CNTNAP3B: variants seen among roughly 807,000 people sequenced by gnomAD.
CNTNAP3B encodes contactin-associated protein-like 3B.
CNTNAP3B carries 25 observed loss-of-function variants against 108.9 expected under a neutral mutation model. The ratio of observed to expected loss-of-function variants is 0.23; its 90% CI spans 0.17 to 0.32. The LOEUF (loss-of-function observed/expected upper bound fraction) is 0.32, where lower values mean the gene tolerates loss of function less well. Among genes scored for constraint, CNTNAP3B ranks in the 10% least tolerant of loss-of-function variants. The pLI, the probability that CNTNAP3B is intolerant of heterozygous loss-of-function variation, is 1.00. For missense variants in CNTNAP3B, 252 were observed against 1,210.4 expected, an observed-to-expected ratio of 0.21 and a Z score of 11.75; for synonymous variants, 103 against 473.4, an observed-to-expected ratio of 0.22 and a Z score of 10.16.
chr9:42,029,650 C>T (rs1260453655), intron 3 of CNTNAP3B, among the ~76,000 whole-genome samples: 1 of 123,876 alleles, frequency 8.1e-6, no homozygotes, highest in Admixed American at 8.1e-5. Context: ...CCTGCCTCAG[C>T]CTCCTGAGTA....
chr9:42,035,480 T>A (rs1826605119), intron 3 of CNTNAP3B, among the ~76,000 whole-genome samples: 1 of 146,100 alleles, frequency 6.8e-6, no homozygotes, highest in Admixed American at 6.8e-5. Context: ...GGGTTAATAA[T>A]AAAGACTCTG....
At position 42,096,087 on chromosome 9, in the gene CNTNAP3B, C is replaced by T. The variant is rs534462447; in HGVS notation, c.196+8542G>A. ...CTTGGATAACTGGGGCTGTCCTCAC[C>T]GGCCACCAGAGCTGCCGCAGGGCGT... On this transcript the variant is annotated intron_variant, in intron 2 of 23. Transcript: ENST00000377561. 4.2e-4 allele frequency among the ~76,000 whole-genome samples: 58 copies of T among 139,746 alleles called. 8 individuals are homozygous for T. The highest frequency in any genetic ancestry group is 3.4e-3 in the Admixed American group (48 of 14,122). The allele number at this position is 139,746 out of a possible 152,430, so 91.7% of individuals were successfully genotyped here. A position where few individuals can be genotyped will look rare whatever the true frequency, so the allele number is the denominator to read the frequency against.
chr9:42,035,924 A>G (rs1225190922), intron 3 of CNTNAP3B, among the ~76,000 whole-genome samples: 1 of 140,430 alleles, frequency 7.1e-6, no homozygotes, highest in Non-Finnish European at 1.5e-5. Flanking sequence ...CCTGGCCAAT[A>G]TGGTGAAACC....
intron 13 of CNTNAP3B, among the ~76,000 whole-genome samples, chr9:41,939,333 G>A (rs553292260): frequency 6.6e-6 from 1 of 152,426 alleles, no homozygotes; most frequent in East Asian, 1.9e-4. Context: ...TGATCATGTG[G>A]TGCTGTTTTT....
At chr9:41,930,250 CAACA>C (rs1292998800) in intron 14 of CNTNAP3B, among the ~76,000 whole-genome samples, 12 of 152,210 alleles carry the variant, frequency 7.9e-5, no homozygotes, top group African/African-American at 2.4e-4. Flanking sequence ...GTAGTTCAGG[CAACA>C]AACACAGGCC....
intron 12 of CNTNAP3B, among the ~76,000 whole-genome samples, chr9:41,958,207 A>C (rs1198111859): frequency 1.5e-3 from 232 of 151,940 alleles, no homozygotes; most frequent in African/African-American, 5.3e-3. Context: ...TCCCAGGCTC[A>C]AGCGATCCTC....
rs868352958 is a variant in CNTNAP3B at position 41,918,706 on chromosome 9, T to C, written c.2995+1364A>G. ...GAAAATTTTGGGTTATAAAATAACA[T>C]TCAAATTGCACTTAGCAAATGTGGA... On this transcript the variant is annotated intron_variant, in intron 18 of 23. Coordinates refer to ENST00000377561, the MANE Select transcript of CNTNAP3B (RefSeq NM_001201380.3). 9.1e-3 allele frequency among the ~76,000 whole-genome samples: 1,306 copies of C among 143,778 alleles called. 1 individual carries two copies. Among genetic ancestry groups the C allele is most frequent in the South Asian group, 0.043 (190 of 4,426 alleles). 94.3% of individuals were successfully genotyped at this position (143,778 alleles called of 152,430 possible). A position where few individuals can be genotyped will look rare whatever the true frequency, so the allele number is the denominator to read the frequency against.
chr9:41,957,753 T>C, intron 12 of CNTNAP3B, among the ~76,000 whole-genome samples: 1 of 152,280 alleles, frequency 6.6e-6, no homozygotes, highest in Non-Finnish European at 1.5e-5. Context: ...TTTGTTTGTT[T>C]GTTTTGTTTG....
Position 42,082,937 on chromosome 9 carries a change from C to A in CNTNAP3B, c.197-5875G>T, listed in dbSNP as rs1437969887. Among the ~76,000 whole-genome samples the A allele has an allele frequency of 1.4e-5, 2 of 139,142 alleles. 1 individual carries two copies. The highest frequency in any genetic ancestry group is 3.1e-5 in the Non-Finnish European group (2 of 64,802). 91.3% of individuals were successfully genotyped at this position (139,142 alleles called of 152,430 possible). ...GAAAGCAAGATCCAACTATATGTTGCCTACAAGAAACACACTTTAAATAAA... is the reference window on the plus strand; with the variant it reads ...GAAAGCAAGATCCAACTATATGTTGACTACAAGAAACACACTTTAAATAAA... On this transcript the variant is annotated intron_variant, in intron 2 of 23. Coordinates refer to ENST00000377561, the MANE Select transcript of CNTNAP3B (RefSeq NM_001201380.3).
rs1587186936 is a variant in CNTNAP3B, at chr9:41,996,403, T to C, written c.928-55A>G. Reference sequence around the variant, plus strand: ...TGTTTAGTGATTTTCTGATGGTACGTGTTTAAAGCATTTATAAATTAATAG... The same window carrying C: ...TGTTTAGTGATTTTCTGATGGTACGCGTTTAAAGCATTTATAAATTAATAG... On this transcript the variant is annotated intron_variant, in intron 6 of 23. Transcript: ENST00000377561. 8.2e-6 allele frequency: 10 copies of C among 1,218,962 alleles called. 2 individuals carry two copies. In the East Asian group the frequency reaches 2.5e-4, roughly 30 times the overall value. The allele number at this position is 1,218,962 out of a possible 1,614,324, so 75.5% of individuals were successfully genotyped here. A position where few individuals can be genotyped will look rare whatever the true frequency, so the allele number is the denominator to read the frequency against.
rs1218005049 is a variant in CNTNAP3B at position 42,012,893 on chromosome 9, C to T, written c.538+485G>A. 2.1e-5 allele frequency among the ~76,000 whole-genome samples: 2 copies of T among 95,652 alleles called. 1 individual carries two copies. The highest frequency in any genetic ancestry group is 4.4e-5 in the Non-Finnish European group (2 of 45,502). The allele number at this position is 95,652 out of a possible 152,430, so 62.8% of individuals were successfully genotyped here. On this transcript the variant is annotated intron_variant, in intron 4 of 23. Coordinates refer to ENST00000377561, the MANE Select transcript of CNTNAP3B (RefSeq NM_001201380.3). Reference sequence around the variant, plus strand: ...GAGGCTAACTAAACACAGGTTCCCACCAAGTGAAGATCAAGTGAAGCGACA... The same window carrying T: ...GAGGCTAACTAAACACAGGTTCCCATCAAGTGAAGATCAAGTGAAGCGACA...
At chr9:41,997,522 T>C in intron 6 of CNTNAP3B, 46 bp downstream of exon 6, 1 of 1,542,346 alleles carries the variant, frequency 6.5e-7, no homozygotes, top group Non-Finnish European at 8.8e-7. Context: ...TGCAGCTACC[T>C]TATTTTTCAG....
At chr9:42,079,508 T>G (rs1827567187) in intron 2 of CNTNAP3B, among the ~76,000 whole-genome samples, 1 of 122,250 alleles carries the variant, frequency 8.2e-6, no homozygotes, top group African/African-American at 3.4e-5. Flanking sequence ...TAAGGGGTTT[T>G]GTTTTGTTTT....
intron 1 of CNTNAP3B, among the ~76,000 whole-genome samples, chr9:42,114,777 G>A (rs62558086): frequency 0.014 from 1,903 of 136,558 alleles, 279 homozygotes; most frequent in South Asian, 0.061. Flanking sequence ...AATGGGCAAA[G>A]TAACCAAGGA....
intron 17 of CNTNAP3B, among the ~76,000 whole-genome samples, chr9:41,921,288 C>T (rs1486810305): frequency 2.8e-4 from 43 of 152,356 alleles, no homozygotes; most frequent in African/African-American, 8.7e-4. Flanking sequence ...TTGACCCCTC[C>T]GTGTAGTCCT....
chr9:42,079,620 C>A (rs1411370521), intron 2 of CNTNAP3B, among the ~76,000 whole-genome samples: 4 of 134,688 alleles, frequency 3.0e-5, no homozygotes, highest in Admixed American at 7.4e-5. Context: ...CTCCCTGGTT[C>A]AAGCAATTCT....
intron 3 of CNTNAP3B, among the ~76,000 whole-genome samples, chr9:42,020,268 GCT>G (rs1826288134): frequency 1.3e-5 from 2 of 150,648 alleles, no homozygotes; most frequent in Non-Finnish European, 2.9e-5. Context: ...TAGCCACTTA[GCT>G]CTCTGTGTAT....
intron 2 of CNTNAP3B, among the ~76,000 whole-genome samples, chr9:42,078,833 A>G (rs1199683601): frequency 2.0e-5 from 3 of 150,570 alleles, no homozygotes; most frequent in Non-Finnish European, 4.4e-5. Context: ...CTACTTCCAC[A>G]GTTTCTTCTC....
Position 42,125,009 on chromosome 9 carries a change from T to G in CNTNAP3B, c.85+4001A>C, listed in dbSNP as rs1032396645. ...TTGAATGGTTTTTTAAAGTAACCAT[T>G]TGATTTTGAAACCAATTTACAGAAA... On this transcript the variant is annotated intron_variant, in intron 1 of 23. Transcript: ENST00000377561. Among the ~76,000 whole-genome samples, 13 of 132,520 alleles carry G rather than the reference T, an allele frequency of 9.8e-5. 2 individuals carry two copies. Among genetic ancestry groups the G allele is most frequent in the African/African-American group, 4.0e-4 (13 of 32,446 alleles). The allele number at this position is 132,520 out of a possible 152,430, so 86.9% of individuals were successfully genotyped here.
Sources: allele counts gnomAD v4.1 joint callset (sites outside exome capture counted in the v4.1 genomes callset), GRCh38; gene constraint gnomAD v4.1.1; transcripts MANE v1.5; gene names NCBI Gene and HGNC (gene_info 2026-07-23, HGNC 2026-07-21).